Variants in MAEA observed in about 807,000 individuals in gnomAD.
MAEA encodes the protein macrophage erythroblast attacher, E3 ubiquitin ligase.
MAEA carries 22 observed loss-of-function variants against 46.2 expected under a neutral mutation model. The observed-to-expected ratio is 0.48, with a 90% CI of 0.34 to 0.68. The LOEUF is 0.68. Ranked by LOEUF, MAEA falls within the 30% of genes least tolerant of loss-of-function variation. MAEA has a pLI of 0.01. For missense variants in MAEA, 393 were observed against 558.1 expected (o/e 0.70, Z 2.98); for synonymous variants, 246 against 222.6 (o/e 1.11, Z -0.94).
At chr4:1,336,795 G>T in intron 6 of MAEA, 66 bp from the exon 7 acceptor site, 1 of 1,529,536 alleles carries the variant, frequency 6.5e-7, no homozygotes. Context: ...CATGGTCCAC[G>T]TTTTTAAGCT....
intron 2 of MAEA, among the ~76,000 whole-genome samples, chr4:1,315,090 C>T (rs1388830915): frequency 6.6e-6 from 1 of 152,156 alleles, no homozygotes; most frequent in Admixed American, 6.5e-5. Context: ...AACAGTTTAA[C>T]CAGAAAGGCA....
In MAEA at chr4:1,301,518, C is replaced by T. The variant is rs568426685; in HGVS notation, c.70-10461C>T. Among the ~76,000 whole-genome samples the T allele has an allele frequency of 2.6e-5, 4 of 152,250 alleles. No individual in the cohort carries two copies. In the East Asian group the frequency reaches 5.8e-4, roughly 22 times the overall value. ...TAAAAGTTTAATTCTTTGGTATAACCAGAAAAGATAGAACCAGAATTTAAA... is the reference window on the plus strand; with the variant it reads ...TAAAAGTTTAATTCTTTGGTATAACTAGAAAAGATAGAACCAGAATTTAAA... On this transcript the variant is annotated intron_variant, in intron 1 of 8. Coordinates refer to ENST00000303400, the MANE Select transcript of MAEA (RefSeq NM_001017405.3).
At chr4:1,313,965 T>G (rs1468833912) in intron 2 of MAEA, among the ~76,000 whole-genome samples, 1 of 151,648 alleles carries the variant, frequency 6.6e-6, no homozygotes, top group Non-Finnish European at 1.5e-5. Flanking sequence ...GCCCAGGAGG[T>G]CGAGGTTGTA....
intron 6 of MAEA, chr4:1,335,069 G>C: frequency 3.0e-6 from 3 of 985,340 alleles, no homozygotes; most frequent in Non-Finnish European, 3.6e-6. Flanking sequence ...GGCCTTTCTG[G>C]GTTGATGTGA....
At chr4:1,308,312 A>G (rs2108894741) in intron 1 of MAEA, among the ~76,000 whole-genome samples, 1 of 152,334 alleles carries the variant, frequency 6.6e-6, no homozygotes, top group Admixed American at 6.5e-5. Context: ...GTTGTTGACC[A>G]AAATGTCGTT....
intron 3 of MAEA, 96 bp downstream of exon 3, chr4:1,315,696 ACATGCTTGTGT>A: frequency 8.9e-7 from 1 of 1,124,356 alleles, no homozygotes; most frequent in South Asian, 1.4e-5. Flanking sequence ...CTGTGTCCCT[ACATGCTTGTGT>A]TCCCCTCCCC....
At chr4:1,326,591 CAT>C (rs1738848721) in intron 4 of MAEA, among the ~76,000 whole-genome samples, 1 of 152,194 alleles carries the variant, frequency 6.6e-6, no homozygotes, top group Admixed American at 6.5e-5. Context: ...TAGGCAGACA[CAT>C]GTGGGACTTG....
chr4:1,307,277 C>A (rs1423041727), intron 1 of MAEA, among the ~76,000 whole-genome samples: 1 of 150,732 alleles, frequency 6.6e-6, no homozygotes, highest in African/African-American at 2.5e-5. Context: ...ACCCTCTCAT[C>A]TTGCAAACCG....
intron 1 of MAEA, among the ~76,000 whole-genome samples, chr4:1,301,138 G>C (rs1459977116): frequency 1.3e-5 from 2 of 152,200 alleles, no homozygotes; most frequent in Admixed American, 1.3e-4. Flanking sequence ...CTTCCTTCCC[G>C]TGCTGGTGAA....
chr4:1,328,496 C>A, intron 5 of MAEA: 1 of 550,212 alleles, frequency 1.8e-6, no homozygotes, highest in Non-Finnish European at 2.6e-6. Flanking sequence ...CTTGCGGTGA[C>A]GCTTGAGTTG....
rs1021443029 is a variant in MAEA, at chr4:1,326,883, A to G, written c.580-744A>G. 3.9e-5 allele frequency among the ~76,000 whole-genome samples: 6 copies of G among 152,112 alleles called. No homozygotes were observed. In the East Asian group the frequency reaches 7.7e-4, roughly 20 times the overall value. On this transcript the variant is annotated intron_variant, in intron 4 of 8. Coordinates refer to ENST00000303400, the MANE Select transcript of MAEA (RefSeq NM_001017405.3). ...GGTCCCCCGTCCATAACCTCGGTGCAGGCGCTCCCCGCCCTACCGACCTGG... is the reference window on the plus strand; with the variant it reads ...GGTCCCCCGTCCATAACCTCGGTGCGGGCGCTCCCCGCCCTACCGACCTGG...
intron 3 of MAEA, among the ~76,000 whole-genome samples, chr4:1,320,654 C>T (rs756785329): frequency 9.9e-5 from 15 of 150,786 alleles, no homozygotes; most frequent in Non-Finnish European, 1.9e-4. Flanking sequence ...TCAAAGCAAA[C>T]GTGCAAGAAG....
At chr4:1,337,903 C>T (rs1014886475) in intron 7 of MAEA, 5 of 172,726 alleles carry the variant, frequency 2.9e-5, no homozygotes, top group Non-Finnish European at 5.1e-5. Flanking sequence ...ACTCTGTCCC[C>T]GCCTATGAAT....
At chr4:1,328,606 C>G in intron 5 of MAEA, 1 of 1,218,442 alleles carries the variant, frequency 8.2e-7, no homozygotes, top group Non-Finnish European at 1.1e-6. Context: ...CCACAGAAAC[C>G]CGACCGCGAC....
chr4:1,295,705 GTACCCCCCTCACCCGCT>G (rs1247653620), intron 1 of MAEA, among the ~76,000 whole-genome samples: 2 of 59,928 alleles, frequency 3.3e-5, no homozygotes, highest in Non-Finnish European at 7.2e-5. Flanking sequence ...ACCCACACCT[GTACCCCCCTCACCCGCT>G]CCTGTACCCC....
At chr4:1,297,002 C>T (rs1271547264) in intron 1 of MAEA, among the ~76,000 whole-genome samples, 1 of 152,208 alleles carries the variant, frequency 6.6e-6, no homozygotes, top group Non-Finnish European at 1.5e-5. Flanking sequence ...CTGCTGCCCT[C>T]CCCAGGCCTC....
chr4:1,317,980 G>A (rs546908200), intron 3 of MAEA, among the ~76,000 whole-genome samples: 1 of 152,300 alleles, frequency 6.6e-6, no homozygotes, highest in African/African-American at 2.4e-5. Context: ...CCACCTGGGT[G>A]TCAGGGAAGG....
rs775577585 is a variant in MAEA, at chr4:1,332,831, C to T, written c.731C>T (p.Ala244Val). Residue 244 changes from alanine to valine, a missense_variant, in exon 6 of 9, where the codon GCC becomes GTC. Ala to Val is a moderately conservative substitution (Grantham distance 64). Transcript: ENST00000303400. ...DEVRQAMGMLAFPPDTHISPY... is the reference protein window; with the variant it reads ...DEVRQAMGMLVFPPDTHISPY... ...GTGCGCCAGGCCATGGGCATGCTGGCCTTCCCGCCCGACACGCACATCTCC... is the reference window on the plus strand; with the variant it reads ...GTGCGCCAGGCCATGGGCATGCTGGTCTTCCCGCCCGACACGCACATCTCC... The T allele has an allele frequency of 6.2e-7, 1 of 1,613,044 alleles. No individual in the cohort carries two copies. The highest frequency in any genetic ancestry group is 8.5e-7 in the Non-Finnish European group (1 of 1,179,696).
chr4:1,320,293 AAAGCAAACG>A (rs1737890960), intron 3 of MAEA, among the ~76,000 whole-genome samples: 3 of 152,050 alleles, frequency 2.0e-5, no homozygotes, highest in African/African-American at 7.2e-5. Context: ...AAAAGAAATC[AAAGCAAACG>A]TGCAAGAAAA....
Sources: allele counts gnomAD v4.1 joint callset (sites outside exome capture counted in the v4.1 genomes callset), GRCh38; gene constraint gnomAD v4.1.1; transcripts MANE v1.5; gene names NCBI Gene and HGNC (gene_info 2026-07-23, HGNC 2026-07-21).